KCNMA1: variants seen among roughly 807,000 people sequenced by gnomAD.
The protein encoded by KCNMA1 is potassium calcium-activated channel subfamily M alpha 1.
A neutral mutation model predicts 140.0 loss-of-function variants in KCNMA1; 29 were observed. The ratio of observed to expected loss-of-function variants is 0.21; its 90% CI spans 0.15 to 0.28. The LOEUF is 0.28. KCNMA1 is among the 10% of genes least tolerant of loss of function. The pLI is 1.00. For synonymous variants in KCNMA1, 612 were observed against 611.9 expected (o/e 1.00, Z 0.00); for missense variants, 880 against 1,602.2 (o/e 0.55, Z 7.70).
chr10:77,497,573 T>C (rs547729515), intron 1 of KCNMA1, among the ~76,000 whole-genome samples: 12 of 152,314 alleles, frequency 7.9e-5, no homozygotes, highest in East Asian at 3.9e-4. Context: ...CTGTGTGATA[T>C]GTAAGAAGAA....
At chr10:77,238,220 C>T (rs1473871569) in intron 3 of KCNMA1, among the ~76,000 whole-genome samples, 1 of 152,172 alleles carries the variant, frequency 6.6e-6, no homozygotes, top group Non-Finnish European at 1.5e-5. Flanking sequence ...CTCACCTCTT[C>T]CTCTCCAATG....
At chr10:77,437,612 A>T (rs2097292264) in intron 1 of KCNMA1, among the ~76,000 whole-genome samples, 1 of 152,150 alleles carries the variant, frequency 6.6e-6, no homozygotes, top group Admixed American at 6.5e-5. Context: ...TACATTCCTA[A>T]CCTATCCCCA....
intron 1 of KCNMA1, among the ~76,000 whole-genome samples, chr10:77,546,596 T>C (rs1174670607): frequency 6.6e-6 from 1 of 152,214 alleles, no homozygotes; most frequent in East Asian, 1.9e-4. Context: ...TTCCCAGACA[T>C]GTGTCCCTTC....
intron 9 of KCNMA1, 118 bp from the exon 10 acceptor site, chr10:77,090,628 C>G (rs925376968): frequency 1.9e-5 from 14 of 731,560 alleles, no homozygotes; most frequent in South Asian, 1.9e-4. Context: ...CTCCTCCCTC[C>G]GCCTCCATAA....
At chr10:77,602,776 C>T (rs2083070461) in intron 1 of KCNMA1, among the ~76,000 whole-genome samples, 3 of 152,178 alleles carry the variant, frequency 2.0e-5, no homozygotes, top group Admixed American at 2.0e-4. Context: ...TGCCAGCCAA[C>T]CACCCTCATC....
chr10:76,938,521 A>G (rs908303832), intron 23 of KCNMA1, among the ~76,000 whole-genome samples: 3 of 152,078 alleles, frequency 2.0e-5, no homozygotes, highest in Non-Finnish European at 4.4e-5. Flanking sequence ...ACTCCAAACA[A>G]TGCTTCACAG....
chr10:77,561,266 A>T (rs2066306484), intron 1 of KCNMA1, among the ~76,000 whole-genome samples: 1 of 152,234 alleles, frequency 6.6e-6, no homozygotes, highest in South Asian at 2.1e-4. Context: ...TATAAAATAA[A>T]GTTCAGTGAT....
chr10:77,567,644 C>T (rs963422203), intron 1 of KCNMA1, among the ~76,000 whole-genome samples: 2 of 152,172 alleles, frequency 1.3e-5, no homozygotes, highest in African/African-American at 4.8e-5. Flanking sequence ...GGAGCAAAAC[C>T]ATGCAGTCAA....
chr10:77,185,351 G>A (rs561436431), intron 3 of KCNMA1, among the ~76,000 whole-genome samples: 1 of 152,202 alleles, frequency 6.6e-6, no homozygotes, highest in Non-Finnish European at 1.5e-5. Context: ...CGCATTGGCA[G>A]TGGGGCCTGT....
intron 1 of KCNMA1, among the ~76,000 whole-genome samples, chr10:77,469,539 G>A (rs912184456): frequency 1.3e-5 from 2 of 152,146 alleles, no homozygotes; most frequent in African/African-American, 4.8e-5. Context: ...AGTTCTCAGA[G>A]GTGTGTGAAC....
intron 1 of KCNMA1, among the ~76,000 whole-genome samples, chr10:77,453,093 A>G (rs2097693574): frequency 6.6e-6 from 1 of 152,178 alleles, no homozygotes; most frequent in Non-Finnish European, 1.5e-5. Flanking sequence ...AAGTCATGGT[A>G]AAGGAAACGT....
chr10:76,962,730 T>TC (rs1262579513), intron 20 of KCNMA1, among the ~76,000 whole-genome samples: 1 of 152,176 alleles, frequency 6.6e-6, no homozygotes. Context: ...GGGGCAGGGA[T>TC]CTATTTTGCT....
intron 2 of KCNMA1, among the ~76,000 whole-genome samples, chr10:77,327,383 G>A (rs1327307674): frequency 5.9e-5 from 9 of 151,746 alleles, no homozygotes; most frequent in African/African-American, 1.2e-4. Context: ...ATGGAGTCTC[G>A]CTCTGTCACA....
At chr10:77,135,132 A>G (rs1416794189) in intron 5 of KCNMA1, among the ~76,000 whole-genome samples, 1 of 151,994 alleles carries the variant, frequency 6.6e-6, no homozygotes, top group African/African-American at 2.4e-5. Flanking sequence ...TATATAGAGA[A>G]CACATCTCAA....
chr10:77,444,483 A>G (rs189162760), intron 1 of KCNMA1, among the ~76,000 whole-genome samples: 20 of 152,350 alleles, frequency 1.3e-4, no homozygotes, highest in Non-Finnish European at 2.1e-4. Flanking sequence ...AATGACTTTG[A>G]TTGAAATTAA....
intron 3 of KCNMA1, among the ~76,000 whole-genome samples, chr10:77,185,439 A>G (rs1308909976): frequency 6.6e-6 from 1 of 152,104 alleles, no homozygotes; most frequent in Non-Finnish European, 1.5e-5. Context: ...ACCCAGGAGC[A>G]TCTCAAGAAA....
At chr10:76,974,479 T>C in intron 19 of KCNMA1, 1 of 1,520,900 alleles carries the variant, frequency 6.6e-7, no homozygotes, top group Non-Finnish European at 8.9e-7. Flanking sequence ...GTCCCAGTCT[T>C]CCTTCACCTG....
chr10:77,544,403 A>G (rs2060933644), intron 1 of KCNMA1, among the ~76,000 whole-genome samples: 1 of 152,134 alleles, frequency 6.6e-6, no homozygotes, highest in African/African-American at 2.4e-5. Flanking sequence ...TGATTCCTGA[A>G]TCTCCAAAAA....
chr10:77,577,597 C>A (rs2074602843), intron 1 of KCNMA1, among the ~76,000 whole-genome samples: 1 of 152,228 alleles, frequency 6.6e-6, no homozygotes, highest in Non-Finnish European at 1.5e-5. Context: ...TATATACACA[C>A]ATACGTAACT....
Sources: allele counts gnomAD v4.1 joint callset (sites outside exome capture counted in the v4.1 genomes callset), GRCh38; gene constraint gnomAD v4.1.1; transcripts MANE v1.5; gene names NCBI Gene and HGNC (gene_info 2026-07-23, HGNC 2026-07-21).